MITF: variants seen among roughly 807,000 people sequenced by gnomAD.
MITF encodes the protein microphthalmia-associated transcription factor.
MITF carries 17 observed loss-of-function variants against 60.5 expected under a neutral mutation model. The ratio of observed to expected loss-of-function variants is 0.28; its 90% CI spans 0.19 to 0.42. MITF has a LOEUF of 0.42. Among genes scored for constraint, MITF ranks in the 10% least tolerant of loss-of-function variants. MITF has a pLI of 1.00. For synonymous variants in MITF, 260 were observed against 248.5 expected (o/e 1.05, Z -0.43); for missense variants, 622 against 683.5 (o/e 0.91, Z 1.00).
At chr3:69,932,472 A>G (rs1272786834) in intron 2 of MITF, among the ~76,000 whole-genome samples, 2 of 152,184 alleles carry the variant, frequency 1.3e-5, no homozygotes, top group Non-Finnish European at 2.9e-5. Context: ...ATGGGTGGAC[A>G]GACTCCTGTT....
chr3:69,831,434 G>A (rs1455746937), intron 1 of MITF, among the ~76,000 whole-genome samples: 2 of 152,098 alleles, frequency 1.3e-5, no homozygotes, highest in Non-Finnish European at 2.9e-5. Context: ...TCCGTTCTTT[G>A]CTGTGTGCTG....
chr3:69,838,427 A>G (rs2217456), intron 1 of MITF, among the ~76,000 whole-genome samples: 75,615 of 151,790 alleles, frequency 0.5, 20,509 homozygotes, highest in Non-Finnish European at 0.63. Context: ...CGGATTTGGC[A>G]TGTTTTACGA....
intron 2 of MITF, among the ~76,000 whole-genome samples, chr3:69,916,692 C>T (rs1453802617): frequency 3.3e-5 from 5 of 152,092 alleles, no homozygotes; most frequent in Non-Finnish European, 5.9e-5. Context: ...ATATGATGCA[C>T]ATCATAATAA....
At chr3:69,924,349 G>A (rs1048394138) in intron 2 of MITF, among the ~76,000 whole-genome samples, 1 of 152,206 alleles carries the variant, frequency 6.6e-6, no homozygotes, top group African/African-American at 2.4e-5. Context: ...AGAATAGCAA[G>A]CTAAAAAGCA....
Position 69,801,056 on chromosome 3 carries a change from C to CT in MITF, c.104+61371dup, listed in dbSNP as rs74944767. 7.8e-3 allele frequency among the ~76,000 whole-genome samples: 1,101 copies of CT among 140,840 alleles called. 17 individuals are homozygous for CT. The highest frequency in any genetic ancestry group is 0.073 in the South Asian group (328 of 4,476). The allele number at this position is 140,840 out of a possible 152,430, so 92.4% of individuals were successfully genotyped here. A position where few individuals can be genotyped will look rare whatever the true frequency, so the allele number is the denominator to read the frequency against. ...ATGGTTTGTTGTTTTCCTTGTGTAA[C>CT]TTTTTTTTTTTTTTTTACCTTGAAA... On this transcript the variant is annotated intron_variant, in intron 1 of 9. Coordinates refer to ENST00000352241, the MANE Select transcript of MITF (RefSeq NM_001354604.2).
chr3:69,894,047 A>G (rs1258128705), intron 2 of MITF, among the ~76,000 whole-genome samples: 1 of 152,200 alleles, frequency 6.6e-6, no homozygotes, highest in Non-Finnish European at 1.5e-5. Context: ...CTGAAATTAA[A>G]CTTTCACTTA....
At chr3:69,794,990 C>G (rs2062805324) in intron 1 of MITF, among the ~76,000 whole-genome samples, 1 of 152,114 alleles carries the variant, frequency 6.6e-6, no homozygotes, top group Non-Finnish European at 1.5e-5. Flanking sequence ...ATAATTTATT[C>G]AATCTTTCTA....
At chr3:69,949,196 C>G (rs1170239072) in intron 6 of MITF, 28 bp downstream of exon 6, 1 of 1,471,040 alleles carries the variant, frequency 6.8e-7, no homozygotes. Context: ...GTGCCTCTTA[C>G]TGCAGATTTC....
At chr3:69,818,772 A>G (rs969587403) in intron 1 of MITF, among the ~76,000 whole-genome samples, 7 of 152,170 alleles carry the variant, frequency 4.6e-5, no homozygotes, top group Non-Finnish European at 8.8e-5. Context: ...TTTAATGAAC[A>G]TTTTCATAAA....
intron 1 of MITF, among the ~76,000 whole-genome samples, chr3:69,745,436 G>A (rs1703685142): frequency 6.6e-6 from 1 of 152,178 alleles, no homozygotes; most frequent in Admixed American, 6.5e-5. Flanking sequence ...GGCATCAGCA[G>A]TTGGGGGCAT....
chr3:69,936,163 C>G (rs2107472618), intron 2 of MITF, among the ~76,000 whole-genome samples: 1 of 152,264 alleles, frequency 6.6e-6, no homozygotes, highest in Non-Finnish European at 1.5e-5. Flanking sequence ...ACATTCAGCA[C>G]AGAGTCTCTT....
At chr3:69,908,876 A>G (rs1034074350) in intron 2 of MITF, among the ~76,000 whole-genome samples, 1 of 152,190 alleles carries the variant, frequency 6.6e-6, no homozygotes, top group Admixed American at 6.5e-5. Context: ...TGCACCTATC[A>G]GTTTTGCTTT....
At chr3:69,888,118 T>C (rs1273149574) in intron 2 of MITF, among the ~76,000 whole-genome samples, 1 of 152,098 alleles carries the variant, frequency 6.6e-6, no homozygotes, top group Non-Finnish European at 1.5e-5. Flanking sequence ...ATTACCTTAC[T>C]ACCATGCATA....
At chr3:69,906,218 C>A (rs1485309932) in intron 2 of MITF, among the ~76,000 whole-genome samples, 1 of 151,950 alleles carries the variant, frequency 6.6e-6, no homozygotes, top group East Asian at 1.9e-4. Flanking sequence ...AAAAACTATC[C>A]TTTTTCCCTT....
chr3:69,878,508 G>T (rs1345984225), intron 1 of MITF, among the ~76,000 whole-genome samples: 4 of 152,116 alleles, frequency 2.6e-5, no homozygotes, highest in Admixed American at 2.6e-4. Context: ...AGAAGTATTG[G>T]CTTGTCAGAC....
intron 2 of MITF, among the ~76,000 whole-genome samples, chr3:69,883,700 G>A (rs1284725600): frequency 6.6e-6 from 1 of 152,112 alleles, no homozygotes; most frequent in Admixed American, 6.5e-5. Flanking sequence ...CAAGAAGCCA[G>A]AACAGATGTA....
At chr3:69,798,041 A>C (rs1475368052) in intron 1 of MITF, among the ~76,000 whole-genome samples, 1 of 152,216 alleles carries the variant, frequency 6.6e-6, no homozygotes, top group African/African-American at 2.4e-5. Flanking sequence ...GCTTCAGTGG[A>C]TCTGAATCCC....
At chr3:69,907,915 C>T (rs1462115433) in intron 2 of MITF, among the ~76,000 whole-genome samples, 1 of 152,132 alleles carries the variant, frequency 6.6e-6, no homozygotes, top group African/African-American at 2.4e-5. Context: ...GGCTTAAAAA[C>T]AGTAAGTGTT....
chr3:69,946,806 C>G (rs1389050761), intron 5 of MITF, among the ~76,000 whole-genome samples: 1 of 152,084 alleles, frequency 6.6e-6, no homozygotes, highest in African/African-American at 2.4e-5. Flanking sequence ...AATTCATTTC[C>G]CTTTTTGATG....
Sources: allele counts gnomAD v4.1 joint callset (sites outside exome capture counted in the v4.1 genomes callset), GRCh38; gene constraint gnomAD v4.1.1; transcripts MANE v1.5; gene names NCBI Gene and HGNC (gene_info 2026-07-23, HGNC 2026-07-21).